The following CHD5 variants were observed in gnomAD, a reference collection of about 807,000 sequenced individuals.
CHD5 encodes the protein chromodomain helicase DNA binding protein 5.
A neutral mutation model predicts 230.3 loss-of-function variants in CHD5; 69 were observed. That is an observed-to-expected ratio of 0.30 (90% CI 0.25 to 0.37). CHD5 has a LOEUF of 0.37. Among genes scored for constraint, CHD5 ranks in the 10% least tolerant of loss-of-function variants. The probability of loss-of-function intolerance (pLI) is 1.00; values close to 1 mark genes in which losing one functional copy is unlikely to be tolerated. For synonymous variants in CHD5, 1,064 were observed against 1,065.9 expected (o/e 1.00, Z 0.03); for missense variants, 1,827 against 2,622.8 (o/e 0.70, Z 6.63).
In CHD5 at chr1:6,146,653, C is replaced by T; in HGVS notation, c.1590+12G>A. On this transcript the variant is annotated intron_variant, in intron 10 of 41. Coordinates refer to ENST00000262450, the MANE Select transcript of CHD5 (RefSeq NM_015557.3). This position sits in a 1 kb window ranked among gnomAD's most constrained non-coding sequence, Gnocchi z 5.1. ...CCCGGGCCTTAGCACAGCCACCCTCCCGGGCACTCACCTGTAGCTCCTTCA... is the reference window on the plus strand; with the variant it reads ...CCCGGGCCTTAGCACAGCCACCCTCTCGGGCACTCACCTGTAGCTCCTTCA... 1.8e-5 allele frequency: 29 copies of T among 1,613,630 alleles called. No individual in the cohort carries two copies. The highest frequency in any genetic ancestry group is 2.3e-5 in the Non-Finnish European group (27 of 1,179,796).
At chr1:6,123,184 G>A (rs1666498003) in intron 31 of CHD5, among the ~76,000 whole-genome samples, 1 of 152,212 alleles carries the variant, frequency 6.6e-6, no homozygotes, top group Middle Eastern at 3.2e-3. Flanking sequence ...GGAACCCCCA[G>A]GCTGAGTGAC....
At chr1:6,133,033 T>C (rs1666683237) in intron 20 of CHD5, among the ~76,000 whole-genome samples, 1 of 152,146 alleles carries the variant, frequency 6.6e-6, no homozygotes, top group Non-Finnish European at 1.5e-5. Flanking sequence ...TCGCTGAGAT[T>C]ACAGGGTGAG....
At position 6,124,048 on chromosome 1, in the gene CHD5, C is replaced by A. The variant is rs779286240; in HGVS notation, c.4599G>T (p.Gly1533=). ...CCTCGCCCGACTTCTTCCCCTCGGG[C>A]CCCTCAGGGATCAAGTCTGGGGTGC... ...KYSTPDLIPE[G]PEGKKSGEVI... The change falls in exon 31 of 42, where the codon GGG becomes GGT. Residue 1533 remains glycine (G), a synonymous_variant. Transcript: ENST00000262450. 6.2e-7 allele frequency: 1 copy of A among 1,613,318 alleles called. No homozygotes were observed. Among genetic ancestry groups the A allele is most frequent in the Non-Finnish European group, 8.5e-7 (1 of 1,179,716 alleles).
intron 1 of CHD5, among the ~76,000 whole-genome samples, chr1:6,179,398 T>C (rs1667476642): frequency 1.3e-5 from 2 of 151,656 alleles, no homozygotes; most frequent in South Asian, 2.1e-4. Context: ...GGAGTCCTCC[T>C]GGGCCGGGAG....
chr1:6,106,859 G>T, intron 38 of CHD5, 80 bp from the exon 39 acceptor site: 1 of 713,928 alleles, frequency 1.4e-6, no homozygotes, highest in Non-Finnish European at 2.1e-6. Context: ...TGGAGGGATG[G>T]AGGGGTGGAG....
chr1:6,129,486 T>C lies in CHD5; in HGVS notation c.3388-417A>G, dbSNP rs1039990356. 1.3e-5 allele frequency among the ~76,000 whole-genome samples: 2 copies of C among 152,154 alleles called. No individual in the cohort carries two copies. The highest frequency in any genetic ancestry group is 4.8e-5 in the African/African-American group (2 of 41,436). On this transcript the variant is annotated intron_variant, in intron 22 of 41. Coordinates refer to ENST00000262450, the MANE Select transcript of CHD5 (RefSeq NM_015557.3). This position sits in a 1 kb window ranked among gnomAD's most constrained non-coding sequence, Gnocchi z 6.8. ...ATGTGCTGGAGACACGCAGCCACCT[T>C]CTGAGGGCAGCAAGGAGCTGAATCT... is the stretch of plus-strand genomic sequence containing the variant.
At position 6,167,808 on chromosome 1, in the gene CHD5, G is replaced by T. The variant is rs1571172033; in HGVS notation, c.207+342C>A. ...CACTTCATCAGGTTTCAGTTTAGAG[G>T]GACGGAGTCAGCTACAGAGCAGGGA... On this transcript the variant is annotated intron_variant, in intron 2 of 41. Coordinates refer to ENST00000262450, the MANE Select transcript of CHD5 (RefSeq NM_015557.3). The surrounding 1 kb of genome is among the most constrained non-coding windows in gnomAD (Gnocchi z 4.5). Among the ~76,000 whole-genome samples the T allele has an allele frequency of 6.6e-6, 1 of 152,098 alleles. No homozygotes were observed. Among genetic ancestry groups the T allele is most frequent in the Admixed American group, 6.5e-5 (1 of 15,270 alleles).
intron 1 of CHD5, among the ~76,000 whole-genome samples, chr1:6,168,676 A>G (rs2100882566): frequency 6.6e-6 from 1 of 152,316 alleles, no homozygotes; most frequent in Non-Finnish European, 1.5e-5. Flanking sequence ...AGTGAGGCCC[A>G]TCTCTCCCTC....
Position 6,112,037 on chromosome 1 carries a change from C to T in CHD5, c.5140+103G>A, listed in dbSNP as rs910193765. On this transcript the variant is annotated intron_variant, in intron 35 of 41. Transcript: ENST00000262450. ...TAAGAAAGGTTATACGATGGACTTC[C>T]ATCAACCAGTCACACTCTAGTATAA... is the stretch of plus-strand genomic sequence containing the variant. 15 of 1,448,258 alleles carry T rather than the reference C, an allele frequency of 1.0e-5. 1 individual carries two copies. In the South Asian group the frequency reaches 1.5e-4, roughly 15 times the overall value. The allele number at this position is 1,448,258 out of a possible 1,614,324, so 89.7% of individuals were successfully genotyped here. A position where few individuals can be genotyped will look rare whatever the true frequency, so the allele number is the denominator to read the frequency against.
Position 6,136,959 on chromosome 1 carries a change from G to A in CHD5, c.2437-94C>T, listed in dbSNP as rs1666755665. 4.3e-6 allele frequency: 6 copies of A among 1,379,946 alleles called. No individual in the cohort carries two copies. In the South Asian group the frequency reaches 8.6e-5, roughly 20 times the overall value. The allele number at this position is 1,379,946 out of a possible 1,614,324, so 85.5% of individuals were successfully genotyped here. ...AGAGCCAAGAAGGAGGTGTGCACAG[G>A]AACCCACAAAGGCTCCACGGAGCCC... On this transcript the variant is annotated intron_variant, in intron 15 of 41. Coordinates refer to ENST00000262450, the MANE Select transcript of CHD5 (RefSeq NM_015557.3).
chr1:6,125,208 C>T lies in CHD5; in HGVS notation c.4286G>A (p.Arg1429Gln), dbSNP rs770713905. 3.1e-6 allele frequency: 5 copies of T among 1,604,860 alleles called. No homozygotes were observed. The highest frequency in any genetic ancestry group is 2.2e-5 in the East Asian group (1 of 44,778). The change falls in exon 29 of 42, where the codon CGG (arginine) becomes CAG (glutamine). Residue 1429 changes from arginine (R) to glutamine (Q), a missense_variant. Transcript: ENST00000262450. The surrounding 1 kb of genome is among the most constrained non-coding windows in gnomAD (Gnocchi z 6.7). ...IEVLGFNARQRKAFLNAIMRW... is the reference protein window; with the variant it reads ...IEVLGFNARQQKAFLNAIMRW... ...CATGATGGCGTTCAGAAAGGCCTTCCGCTGTCGGGCATTGAAGCCCAGCAC... is the reference window on the plus strand; with the variant it reads ...CATGATGGCGTTCAGAAAGGCCTTCTGCTGTCGGGCATTGAAGCCCAGCAC...
chr1:6,105,552 C>A lies in CHD5; in HGVS notation c.*47-125G>T. 2.9e-6 allele frequency: 1 copy of A among 347,440 alleles called. No homozygotes were observed. The highest frequency in any genetic ancestry group is 5.8e-6 in the Non-Finnish European group (1 of 172,556). The allele number at this position is 347,440 out of a possible 1,614,324, so 21.5% of individuals were successfully genotyped here. ...AACTATGATCGGGGTGCCCCCCAGC[C>A]ATGACCTCCCAGCCACAGGCTGCCG... On this transcript the variant is annotated intron_variant, in intron 41 of 41. Transcript: ENST00000262450. The surrounding 1 kb of genome is among the most constrained non-coding windows in gnomAD (Gnocchi z 4.8).
intron 3 of CHD5, among the ~76,000 whole-genome samples, chr1:6,159,006 C>CAAAAAAA (rs35569300): frequency 1.6e-5 from 1 of 63,640 alleles, no homozygotes; most frequent in South Asian, 5.6e-4. Context: ...GACTCCGTCT[C>CAAAAAAA]AAAAAAAAAA....
Position 6,125,716 on chromosome 1 carries a change from C to G in CHD5, c.4171+50G>C. On this transcript the variant is annotated intron_variant, in intron 27 of 41. Coordinates refer to ENST00000262450, the MANE Select transcript of CHD5 (RefSeq NM_015557.3). The surrounding 1 kb of genome is among the most constrained non-coding windows in gnomAD (Gnocchi z 6.7). ...AGCCCCGCTCCTGCTGCCATCAGCTCCCCTGACATGGCCTCAGCAGTAGCC... is the reference window on the plus strand; with the variant it reads ...AGCCCCGCTCCTGCTGCCATCAGCTGCCCTGACATGGCCTCAGCAGTAGCC... The G allele has an allele frequency of 6.3e-7, 1 of 1,590,404 alleles. No homozygotes were observed. The highest frequency in any genetic ancestry group is 1.3e-5 in the African/African-American group (1 of 74,538).
intron 1 of CHD5, among the ~76,000 whole-genome samples, chr1:6,176,704 T>C (rs1667430804): frequency 6.6e-6 from 1 of 152,216 alleles, no homozygotes. Flanking sequence ...ATGTTCCACA[T>C]GCACTGTCTC....
chr1:6,102,744 A>G lies in CHD5; in HGVS notation c.*2730T>C, dbSNP rs1666087906. ...AGGACTTCAATCATAGGGGGCAGGG[A>G]AAGTCCAGCCTGCCCCTGGGGGAAG... is the stretch of plus-strand genomic sequence containing the variant. On this transcript the variant is annotated 3_prime_UTR_variant, in exon 42 of 42. Coordinates refer to ENST00000262450, the MANE Select transcript of CHD5 (RefSeq NM_015557.3). 6.6e-6 allele frequency: 1 copy of G among 151,176 alleles called. No homozygotes were observed. The highest frequency in any genetic ancestry group is 2.4e-5 in the African/African-American group (1 of 41,418). 9.4% of individuals were successfully genotyped at this position (151,176 alleles called of 1,614,324 possible). A position where few individuals can be genotyped will look rare whatever the true frequency, so the allele number is the denominator to read the frequency against.
intron 36 of CHD5, 134 bp from the exon 37 acceptor site, chr1:6,110,660 G>T: frequency 1.1e-6 from 1 of 871,194 alleles, no homozygotes; most frequent in Non-Finnish European, 1.8e-6. Flanking sequence ...AAGTCCTTAA[G>T]CCCAGCTGCA....
At position 6,179,985 on chromosome 1, in the gene CHD5, C is replaced by T. The variant is rs1394383289; in HGVS notation, c.39G>A (p.Arg13=). The change falls in exon 1 of 42, where the codon CGG becomes CGA. Residue 13 remains arginine (R), a synonymous_variant. Coordinates refer to ENST00000262450, the MANE Select transcript of CHD5 (RefSeq NM_015557.3). The part of the protein sequence containing the change: ...GPVGTEEELP[R]LFAEEMENED... Reference sequence around the variant, plus strand: ...CATTCTCCATCTCCTCGGCGAACAGCCGCGGCAGCTCCTCCTCGGTGCCCA... The same window carrying T: ...CATTCTCCATCTCCTCGGCGAACAGTCGCGGCAGCTCCTCCTCGGTGCCCA... 2 of 1,387,486 alleles carry T rather than the reference C, an allele frequency of 1.4e-6. No individual in the cohort carries two copies. Among genetic ancestry groups the T allele is most frequent in the Non-Finnish European group, 1.9e-6 (2 of 1,058,534 alleles). The allele number at this position is 1,387,486 out of a possible 1,614,324, so 85.9% of individuals were successfully genotyped here.
At position 6,136,428 on chromosome 1, in the gene CHD5, G is replaced by T. The variant is rs923883512; in HGVS notation, c.2696+89C>A. The T allele has an allele frequency of 7.5e-6, 11 of 1,473,844 alleles. No homozygotes were observed. In the Admixed American group the frequency reaches 9.3e-5, roughly 12 times the overall value. 91.3% of individuals were successfully genotyped at this position (1,473,844 alleles called of 1,614,324 possible). A position where few individuals can be genotyped will look rare whatever the true frequency, so the allele number is the denominator to read the frequency against. On this transcript the variant is annotated intron_variant, in intron 17 of 41. Coordinates refer to ENST00000262450, the MANE Select transcript of CHD5 (RefSeq NM_015557.3). Reference sequence around the variant, plus strand: ...TGATGAGGAAGCAACGGCCGAGCAGGTCTCACAGCCAGGATGGGCTATTGA... The same window carrying T: ...TGATGAGGAAGCAACGGCCGAGCAGTTCTCACAGCCAGGATGGGCTATTGA...
Sources: allele counts gnomAD v4.1 joint callset (sites outside exome capture counted in the v4.1 genomes callset), GRCh38; gene constraint gnomAD v4.1.1; non-coding constraint Gnocchi (gnomAD v3.1); transcripts MANE v1.5; gene names NCBI Gene and HGNC (gene_info 2026-07-23, HGNC 2026-07-21).